The following CADPS variants were observed in gnomAD, a reference collection of about 807,000 sequenced individuals.
CADPS encodes the protein calcium dependent secretion activator, also known as calcium-dependent secretion activator 1.
Under a neutral mutation model 167.3 loss-of-function variants are expected in CADPS, and 57 were observed. That is an observed-to-expected ratio of 0.34 (90% CI 0.28 to 0.42). CADPS has a LOEUF of 0.42. Ranked by LOEUF, CADPS falls within the 20% of genes least tolerant of loss-of-function variation. CADPS has a pLI of 1.00. For synonymous variants in CADPS, 676 were observed against 635.3 expected, an observed-to-expected ratio of 1.06 and a Z score of -0.96; for missense variants, 1,414 against 1,738.1, an observed-to-expected ratio of 0.81 and a Z score of 3.32.
At chr3:62,613,919 C>T (rs2061865566) in intron 6 of CADPS, among the ~76,000 whole-genome samples, 1 of 152,086 alleles carries the variant, frequency 6.6e-6, no homozygotes, top group Non-Finnish European at 1.5e-5. Flanking sequence ...GGAGAGATCT[C>T]TCTCTATGCT....
At chr3:62,543,146 T>A (rs779841138) in intron 11 of CADPS, among the ~76,000 whole-genome samples, 2 of 152,202 alleles carry the variant, frequency 1.3e-5, no homozygotes, top group Non-Finnish European at 2.9e-5. Flanking sequence ...GGGAACATAT[T>A]CTTTTAAAAA....
chr3:62,547,601 C>G lies in CADPS; in HGVS notation c.1966+2302G>C, dbSNP rs116514744. Among the ~76,000 whole-genome samples the G allele has an allele frequency of 3.2e-3, 360 of 113,972 alleles. 7 individuals carry two copies. Among genetic ancestry groups the G allele is most frequent in the East Asian group, 0.011 (34 of 3,218 alleles). 74.8% of individuals were successfully genotyped at this position (113,972 alleles called of 152,430 possible). A position where few individuals can be genotyped will look rare whatever the true frequency, so the allele number is the denominator to read the frequency against. On this transcript the variant is annotated intron_variant, in intron 11 of 29. Coordinates refer to ENST00000383710, the MANE Select transcript of CADPS (RefSeq NM_003716.4). ...TATCATTTACGCCCCCCCCCCCCCG[C>G]AAATTCTAACTCTTAGGAGTTTGCT...
At chr3:62,805,627 T>G (rs1226075206) in intron 1 of CADPS, among the ~76,000 whole-genome samples, 2 of 152,208 alleles carry the variant, frequency 1.3e-5, no homozygotes, top group Non-Finnish European at 2.9e-5. Context: ...CTGTGCTAAC[T>G]GAAGGCTGGA....
intron 13 of CADPS, among the ~76,000 whole-genome samples, chr3:62,532,238 C>T (rs942176204): frequency 1.2e-4 from 19 of 152,118 alleles, no homozygotes; most frequent in African/African-American, 4.1e-4. Flanking sequence ...TGCCATCTTG[C>T]CATTCCATCT....
At chr3:62,842,200 A>G (rs888126792) in intron 1 of CADPS, among the ~76,000 whole-genome samples, 1 of 152,230 alleles carries the variant, frequency 6.6e-6, no homozygotes, top group African/African-American at 2.4e-5. Flanking sequence ...AACAGTTACC[A>G]GTGCCAACGC....
At chr3:62,774,029 T>C (rs536347086) in intron 1 of CADPS, among the ~76,000 whole-genome samples, 1 of 152,248 alleles carries the variant, frequency 6.6e-6, no homozygotes, top group African/African-American at 2.4e-5. Flanking sequence ...CATGGAGACA[T>C]AATTTGAACA....
At chr3:62,623,568 T>A (rs2063514250) in intron 6 of CADPS, among the ~76,000 whole-genome samples, 1 of 152,178 alleles carries the variant, frequency 6.6e-6, no homozygotes, top group Admixed American at 6.5e-5. Flanking sequence ...GACCCAAGAA[T>A]CAAGCCCTAA....
At chr3:62,499,075 C>A in intron 18 of CADPS, 87 bp downstream of exon 18, 1 of 725,840 alleles carries the variant, frequency 1.4e-6, no homozygotes, top group Admixed American at 2.1e-5. Flanking sequence ...GGTGTTAAGG[C>A]ATCTTATTCA....
intron 6 of CADPS, among the ~76,000 whole-genome samples, chr3:62,614,406 A>G (rs992134379): frequency 6.6e-6 from 1 of 152,186 alleles, no homozygotes; most frequent in Admixed American, 6.5e-5. Context: ...ACTTCAGTCA[A>G]TGATCCTTGT....
intron 2 of CADPS, among the ~76,000 whole-genome samples, chr3:62,763,527 C>T (rs902524984): frequency 3.3e-5 from 5 of 152,062 alleles, no homozygotes; most frequent in Non-Finnish European, 7.4e-5. Flanking sequence ...ACCTAGGTAT[C>T]GGTCACTTAT....
chr3:62,610,951 G>A (rs2061425096), intron 6 of CADPS, among the ~76,000 whole-genome samples: 1 of 151,858 alleles, frequency 6.6e-6, no homozygotes, highest in African/African-American at 2.4e-5. Context: ...TTTTTCGGCT[G>A]TCACACAGGG....
intron 13 of CADPS, among the ~76,000 whole-genome samples, chr3:62,523,144 T>C (rs1254687450): frequency 3.9e-5 from 6 of 152,132 alleles, no homozygotes; most frequent in Non-Finnish European, 4.4e-5. Context: ...CAGTCTCCCA[T>C]CTTGAGCCAT....
intron 26 of CADPS, among the ~76,000 whole-genome samples, chr3:62,462,332 T>C (rs1315298631): frequency 1.3e-5 from 2 of 152,152 alleles, no homozygotes; most frequent in African/African-American, 4.8e-5. Flanking sequence ...CCACATCTCA[T>C]CCTCCCTCCT....
At position 62,765,863 on chromosome 3, in the gene CADPS, A is replaced by G. The variant is rs777781401; in HGVS notation, c.555+8T>C. On this transcript the variant is annotated splice_region_variant and intron_variant, in intron 2 of 29. Coordinates refer to ENST00000383710, the MANE Select transcript of CADPS (RefSeq NM_003716.4). Reference sequence around the variant, plus strand: ...GGTCTTGGCATTCTTCTGAACAGTGATTCTCACCTCATAGTAACTCTGCAC... The same window carrying G: ...GGTCTTGGCATTCTTCTGAACAGTGGTTCTCACCTCATAGTAACTCTGCAC... 6.3e-7 allele frequency: 1 copy of G among 1,585,476 alleles called. No homozygotes were observed. Among genetic ancestry groups the G allele is most frequent in the Non-Finnish European group, 8.7e-7 (1 of 1,154,630 alleles).
At chr3:62,840,489 A>G (rs1231029734) in intron 1 of CADPS, among the ~76,000 whole-genome samples, 1 of 152,172 alleles carries the variant, frequency 6.6e-6, no homozygotes, top group Non-Finnish European at 1.5e-5. Context: ...TAGTTTTTTG[A>G]ACTGACATAT....
At chr3:62,675,950 G>A (rs990035714) in intron 3 of CADPS, among the ~76,000 whole-genome samples, 3 of 151,772 alleles carry the variant, frequency 2.0e-5, no homozygotes, top group Non-Finnish European at 2.9e-5. Context: ...CCCAATTACT[G>A]TAAAATCCTC....
chr3:62,723,243 C>T (rs1458905284), intron 3 of CADPS, among the ~76,000 whole-genome samples: 1 of 152,140 alleles, frequency 6.6e-6, no homozygotes, highest in African/African-American at 2.4e-5. Context: ...TAATTCAAAT[C>T]GACTAGATTT....
chr3:62,631,082 C>A (rs768227846), intron 6 of CADPS, among the ~76,000 whole-genome samples: 10 of 151,630 alleles, frequency 6.6e-5, no homozygotes, highest in Admixed American at 6.6e-4. Flanking sequence ...ATTATAAATG[C>A]ATACTTTAAA....
At chr3:62,585,425 C>A (rs2084385105) in intron 7 of CADPS, 101 bp from the exon 8 acceptor site, 9 of 1,218,418 alleles carry the variant, frequency 7.4e-6, no homozygotes, top group Middle Eastern at 2.0e-4. Context: ...TTGAACAATT[C>A]CCACTGTGGA....
Sources: allele counts gnomAD v4.1 joint callset (sites outside exome capture counted in the v4.1 genomes callset), GRCh38; gene constraint gnomAD v4.1.1; transcripts MANE v1.5; gene names NCBI Gene and HGNC (gene_info 2026-07-23, HGNC 2026-07-21).